NRG1: variants seen among roughly 807,000 people sequenced by gnomAD.
NRG1 encodes neuregulin 1.
NRG1 carries 18 observed loss-of-function variants against 63.8 expected under a neutral mutation model. That is an observed-to-expected ratio of 0.28 (90% confidence interval 0.19 to 0.42). NRG1 has a LOEUF of 0.42. NRG1 is among the 10% of genes least tolerant of loss of function. The pLI is 1.00. For synonymous variants in NRG1, 302 were observed against 301.3 expected (o/e 1.00, Z -0.02); for missense variants, 762 against 814.7 (o/e 0.94, Z 0.79).
chr8:32,330,435 G>A (rs1802511784), intron 1 of NRG1, among the ~76,000 whole-genome samples: 1 of 152,232 alleles, frequency 6.6e-6, no homozygotes, highest in South Asian at 2.1e-4. Flanking sequence ...AGTGCAGTAG[G>A]TTTATTGGGG....
intron 1 of NRG1, among the ~76,000 whole-genome samples, chr8:32,170,038 T>A (rs752848732): frequency 1.3e-5 from 2 of 152,218 alleles, no homozygotes; most frequent in Non-Finnish European, 2.9e-5. Flanking sequence ...CAGAATTATG[T>A]ATCTACAAGC....
At chr8:31,667,282 A>G (rs1300782421) in intron 1 of NRG1, among the ~76,000 whole-genome samples, 3 of 152,218 alleles carry the variant, frequency 2.0e-5, no homozygotes, top group Non-Finnish European at 4.4e-5. Context: ...CCAATCTAAT[A>G]CAGAAGATGG....
chr8:31,731,666 T>C (rs563877670), intron 1 of NRG1, among the ~76,000 whole-genome samples: 2 of 152,158 alleles, frequency 1.3e-5, no homozygotes, highest in Non-Finnish European at 2.9e-5. Flanking sequence ...TTAATATATA[T>C]GTACTAAATA....
intron 1 of NRG1, among the ~76,000 whole-genome samples, chr8:32,317,733 C>G (rs1370512554): frequency 6.6e-6 from 1 of 152,140 alleles, no homozygotes; most frequent in Non-Finnish European, 1.5e-5. Context: ...AATATCTCCC[C>G]ACCCTAATTG....
chr8:32,027,388 T>C (rs1817549944), intron 1 of NRG1, among the ~76,000 whole-genome samples: 2 of 151,800 alleles, frequency 1.3e-5, no homozygotes, highest in Non-Finnish European at 1.5e-5. Context: ...TAAATCTGTA[T>C]GTTTTTTATA....
chr8:32,631,066 C>A (rs768721166), intron 5 of NRG1, among the ~76,000 whole-genome samples: 1 of 152,104 alleles, frequency 6.6e-6, no homozygotes, highest in Non-Finnish European at 1.5e-5. Flanking sequence ...TACAAACACA[C>A]AATTAATTAT....
At chr8:32,539,331 C>T (rs1033793027) in intron 1 of NRG1, among the ~76,000 whole-genome samples, 2 of 152,006 alleles carry the variant, frequency 1.3e-5, no homozygotes, top group South Asian at 2.1e-4. Flanking sequence ...CTGAAACTGA[C>T]GCTGCATAAG....
At chr8:32,264,008 G>A (rs989620017) in intron 1 of NRG1, among the ~76,000 whole-genome samples, 1 of 152,102 alleles carries the variant, frequency 6.6e-6, no homozygotes, top group African/African-American at 2.4e-5. Context: ...TAAGGAAATG[G>A]GATCTGAGGC....
intron 5 of NRG1, among the ~76,000 whole-genome samples, chr8:32,693,922 C>G (rs1376762078): frequency 6.6e-6 from 1 of 152,164 alleles, no homozygotes; most frequent in Non-Finnish European, 1.5e-5. Context: ...AAGAGAAGCA[C>G]AGCATTTTCC....
At chr8:32,719,277 A>C (rs1820037452) in intron 5 of NRG1, among the ~76,000 whole-genome samples, 1 of 152,078 alleles carries the variant, frequency 6.6e-6, no homozygotes, top group Non-Finnish European at 1.5e-5. Flanking sequence ...TTAAACAAGT[A>C]CATATATAAT....
intron 1 of NRG1, among the ~76,000 whole-genome samples, chr8:31,659,214 A>G (rs545331548): frequency 6.6e-6 from 1 of 152,274 alleles, no homozygotes; most frequent in South Asian, 2.1e-4. Context: ...CTTCACTAGA[A>G]CACCATGCAT....
intron 5 of NRG1, among the ~76,000 whole-genome samples, chr8:32,659,645 A>G (rs1238809866): frequency 6.6e-6 from 1 of 152,126 alleles, no homozygotes; most frequent in Non-Finnish European, 1.5e-5. Context: ...CAAAGCACGT[A>G]TCTCATAAAC....
chr8:32,204,132 G>A (rs776997227), intron 1 of NRG1, among the ~76,000 whole-genome samples: 1 of 152,174 alleles, frequency 6.6e-6, no homozygotes, highest in Non-Finnish European at 1.5e-5. Context: ...TTGAAGAATA[G>A]TCAGTAGTTT....
At chr8:31,997,184 C>CTTT (rs56256338) in intron 1 of NRG1, among the ~76,000 whole-genome samples, 12 of 137,460 alleles carry the variant, frequency 8.7e-5, no homozygotes, top group South Asian at 2.2e-4. Context: ...ATAGTGTAAC[C>CTTT]TTTTTTTTTT....
intron 1 of NRG1, among the ~76,000 whole-genome samples, chr8:32,140,635 C>A (rs10954830): frequency 0.7 from 105,561 of 151,814 alleles, 37,606 homozygotes; most frequent in African/African-American, 0.75. Flanking sequence ...CTAATTTCTT[C>A]ATTTTTTTGT....
chr8:32,616,906 T>C, intron 5 of NRG1, 21 bp downstream of exon 5: 1 of 1,543,752 alleles, frequency 6.5e-7, no homozygotes, highest in Non-Finnish European at 9.0e-7. Flanking sequence ...TTAAATATTC[T>C]ATTCACTGGT....
At chr8:32,516,600 T>C (rs1829846921) in intron 1 of NRG1, among the ~76,000 whole-genome samples, 1 of 152,186 alleles carries the variant, frequency 6.6e-6, no homozygotes, top group African/African-American at 2.4e-5. Flanking sequence ...TCTGTTTGTT[T>C]CTTTCAGCAA....
intron 1 of NRG1, among the ~76,000 whole-genome samples, chr8:31,793,254 A>T (rs1820883359): frequency 6.6e-6 from 1 of 152,174 alleles, no homozygotes; most frequent in African/African-American, 2.4e-5. Flanking sequence ...TCACTAGCAG[A>T]GTCACTTTCA....
At chr8:31,903,235 G>C (rs1389113209) in intron 1 of NRG1, among the ~76,000 whole-genome samples, 1 of 145,706 alleles carries the variant, frequency 6.9e-6, no homozygotes, top group Non-Finnish European at 1.5e-5. Flanking sequence ...TGCAAGCTCT[G>C]CCTCCCGGGT....
Sources: gnomAD v4.1 joint callset for allele counts (sites outside exome capture counted in the v4.1 genomes callset) on GRCh38, gnomAD v4.1.1 for gene constraint, MANE v1.5 for transcripts, NCBI Gene and HGNC (gene_info 2026-07-23, HGNC 2026-07-21) for gene names.